DIS3L2: variants seen among roughly 807,000 people sequenced by gnomAD.
DIS3L2 encodes the protein DIS3 like 3'-5' exoribonuclease 2, also known as DIS3-like exonuclease 2.
A neutral mutation model predicts 97.5 loss-of-function variants in DIS3L2; 34 were observed. The observed-to-expected ratio is 0.35, with a 90% CI of 0.27 to 0.46. The LOEUF is 0.46. Ranked by LOEUF, DIS3L2 falls within the 20% of genes least tolerant of loss-of-function variation. DIS3L2 has a pLI of 1.00. For missense variants in DIS3L2, 1,038 were observed against 1,146.0 expected, an observed-to-expected ratio of 0.91 and a Z score of 1.36; for synonymous variants, 435 against 445.2, an observed-to-expected ratio of 0.98 and a Z score of 0.29.
exon 14 of DIS3L2, chr2:232,343,622 A>G: frequency 6.4e-7 from 1 of 1,559,526 alleles, no homozygotes; most frequent in Non-Finnish European, 8.7e-7. Context: ...GATTATGGAA[A>G]GAAAGTAAAC....
At chr2:232,078,775 C>A (rs796389661) in intron 5 of DIS3L2, among the ~76,000 whole-genome samples, 1 of 152,070 alleles carries the variant, frequency 6.6e-6, no homozygotes, top group African/African-American at 2.4e-5. Context: ...GCCTAGATAA[C>A]AATAATGCAG....
intron 1 of DIS3L2, among the ~76,000 whole-genome samples, chr2:232,013,445 A>G (rs978742125): frequency 3.9e-5 from 6 of 152,168 alleles, no homozygotes; most frequent in African/African-American, 1.4e-4. Context: ...ATCCAAATGG[A>G]ATTAATTTTG....
intron 13 of DIS3L2, among the ~76,000 whole-genome samples, chr2:232,284,355 C>T (rs892446416): frequency 2.6e-5 from 4 of 152,222 alleles, no homozygotes; most frequent in African/African-American, 4.8e-5. Context: ...TGTGAGCCTC[C>T]AGCTTCCCAG....
intron 5 of DIS3L2, among the ~76,000 whole-genome samples, chr2:232,077,963 T>TTCTTTC (rs755263815): frequency 9.2e-5 from 7 of 75,776 alleles, no homozygotes; most frequent in Non-Finnish European, 1.6e-4. Context: ...TTCTCTTTCT[T>TTCTTTC]TCTTTCTTTC....
rs1286079451 is a variant in DIS3L2, at chr2:232,100,514, A to G, written c.601+12793A>G. 3.3e-5 allele frequency among the ~76,000 whole-genome samples: 5 copies of G among 152,046 alleles called. No homozygotes were observed. The East Asian group carries it at 9.6e-4, about 29-fold the overall frequency. On this transcript the variant is annotated intron_variant, in intron 6 of 20. Transcript: ENST00000325385. ...TTTTCTTTGAACTGTTTTTAAAGCT[A>G]CATATGTACCTCTAAATACTTCTTT... is the stretch of plus-strand genomic sequence containing the variant.
intron 9 of DIS3L2, among the ~76,000 whole-genome samples, chr2:232,166,321 A>G (rs1427756822): frequency 1.4e-5 from 2 of 144,702 alleles, no homozygotes; most frequent in African/African-American, 5.8e-5. Context: ...TCTTAAATAC[A>G]CACACCACAC....
intron 13 of DIS3L2, among the ~76,000 whole-genome samples, chr2:232,267,328 C>T (rs1372302685): frequency 4.6e-5 from 7 of 152,198 alleles, no homozygotes; most frequent in Admixed American, 3.9e-4. Context: ...TCTCCTTTAC[C>T]TACAGTTCAA....
chr2:232,332,937 C>G (rs34786411), intron 16 of DIS3L2, among the ~76,000 whole-genome samples: 19,927 of 151,952 alleles, frequency 0.13, 1,772 homozygotes, highest in Middle Eastern at 0.23. Context: ...GGCAGGGGAT[C>G]GCATCCTGGG....
At chr2:232,168,809 AGTTG>A (rs1559698045) in intron 9 of DIS3L2, among the ~76,000 whole-genome samples, 1 of 152,218 alleles carries the variant, frequency 6.6e-6, no homozygotes, top group African/African-American at 2.4e-5. Context: ...CCAGTGATGT[AGTTG>A]GTTAGCATGC....
At chr2:232,137,253 C>A (rs1435986497) in intron 8 of DIS3L2, among the ~76,000 whole-genome samples, 1 of 152,200 alleles carries the variant, frequency 6.6e-6, no homozygotes, top group Non-Finnish European at 1.5e-5. Flanking sequence ...AGAGATCAAT[C>A]TAACTTAAAT....
At chr2:232,112,778 A>C (rs1313128939) in intron 6 of DIS3L2, among the ~76,000 whole-genome samples, 2 of 152,090 alleles carry the variant, frequency 1.3e-5, no homozygotes, top group Non-Finnish European at 2.9e-5. Context: ...AGAAGGAGGG[A>C]CCATTCAGAG....
intron 14 of DIS3L2, among the ~76,000 whole-genome samples, chr2:232,301,835 CTTTTTTTTT>C (rs557282669): frequency 9.5e-6 from 1 of 105,474 alleles, no homozygotes; most frequent in South Asian, 3.2e-4. Context: ...TAGCCTAGCT[CTTTTTTTTT>C]TTTTTTTTTT....
intron 5 of DIS3L2, among the ~76,000 whole-genome samples, chr2:232,068,468 G>T (rs565906571): frequency 2.8e-4 from 43 of 151,706 alleles, no homozygotes; most frequent in Admixed American, 1.5e-3. Flanking sequence ...AATAGTCCCA[G>T]CTACTTGGGA....
rs1553552123 is a variant in DIS3L2 at position 232,335,884 on chromosome 2, C to T, written c.2496+10C>T. The T allele has an allele frequency of 6.5e-7, 1 of 1,550,090 alleles. No individual in the cohort carries two copies. Among genetic ancestry groups the T allele is most frequent in the Non-Finnish European group, 8.7e-7 (1 of 1,146,930 alleles). On this transcript the variant is annotated intron_variant, in intron 20 of 20. Coordinates refer to ENST00000325385, the MANE Select transcript of DIS3L2 (RefSeq NM_152383.5). ...GGAGCCAGCACAGCAGGTCAGAACC[C>T]CTCTGTGTCCCAGCCCCCTAAGTCC...
intron 8 of DIS3L2, among the ~76,000 whole-genome samples, chr2:232,140,729 A>T (rs748792906): frequency 2.6e-5 from 4 of 152,222 alleles, no homozygotes; most frequent in Non-Finnish European, 5.9e-5. Flanking sequence ...TGCTTCTCTG[A>T]CACCCTAGTG....
chr2:232,072,706 T>C (rs1290542257), intron 5 of DIS3L2, among the ~76,000 whole-genome samples: 1 of 151,468 alleles, frequency 6.6e-6, no homozygotes, highest in Non-Finnish European at 1.5e-5. Context: ...ACTTCCAGGA[T>C]GGAGATGATG....
chr2:232,068,876 T>C (rs1695927603), intron 5 of DIS3L2, among the ~76,000 whole-genome samples: 1 of 152,138 alleles, frequency 6.6e-6, no homozygotes, highest in Non-Finnish European at 1.5e-5. Context: ...TGGAGTGCAG[T>C]GGCGATCTCG....
At chr2:232,159,653 A>G (rs1690594471) in intron 8 of DIS3L2, among the ~76,000 whole-genome samples, 1 of 152,080 alleles carries the variant, frequency 6.6e-6, no homozygotes, top group African/African-American at 2.4e-5. Flanking sequence ...TACCTCCAGT[A>G]CAATGTTAAA....
chr2:232,255,267 A>G (rs1693529310), intron 12 of DIS3L2, among the ~76,000 whole-genome samples: 1 of 152,208 alleles, frequency 6.6e-6, no homozygotes, highest in East Asian at 1.9e-4. Context: ...CTGGTTTTGC[A>G]TGCAGTGGTG....
Sources: allele counts gnomAD v4.1 joint callset (sites outside exome capture counted in the v4.1 genomes callset), GRCh38; gene constraint gnomAD v4.1.1; transcripts MANE v1.5; gene names NCBI Gene and HGNC (gene_info 2026-07-23, HGNC 2026-07-21).